Variants in NPAS3 observed in about 807,000 individuals in gnomAD.
NPAS3 encodes the protein neuronal PAS domain-containing protein 3.
A neutral mutation model predicts 73.1 loss-of-function variants in NPAS3; 14 were observed. The observed-to-expected ratio is 0.19, with a 90% CI of 0.13 to 0.30. The LOEUF (loss-of-function observed/expected upper bound fraction) is 0.30. NPAS3 is among the 10% of genes least tolerant of loss of function. The pLI is 1.00. For synonymous variants in NPAS3, 620 were observed against 541.5 expected, an observed-to-expected ratio of 1.14 and a Z score of -2.01; for missense variants, 1,096 against 1,250.0, an observed-to-expected ratio of 0.88 and a Z score of 1.86.
At chr14:33,751,640 A>T (rs2061965729) in intron 7 of NPAS3, among the ~76,000 whole-genome samples, 1 of 152,212 alleles carries the variant, frequency 6.6e-6, no homozygotes, top group Non-Finnish European at 1.5e-5. Flanking sequence ...AGGCGCCCAC[A>T]GTTTCCCTTG....
intron 2 of NPAS3, among the ~76,000 whole-genome samples, chr14:33,113,518 G>A (rs2042964686): frequency 6.6e-6 from 1 of 152,132 alleles, no homozygotes; most frequent in South Asian, 2.1e-4. Flanking sequence ...CATTGATTTT[G>A]TATCCTGAGA....
At chr14:33,442,615 A>G (rs1047503635) in intron 4 of NPAS3, among the ~76,000 whole-genome samples, 7 of 152,182 alleles carry the variant, frequency 4.6e-5, no homozygotes, top group Non-Finnish European at 8.8e-5. Flanking sequence ...TTCGCCCTTC[A>G]CTTGGCTCTG....
chr14:33,535,167 A>G (rs1270657153), intron 4 of NPAS3, among the ~76,000 whole-genome samples: 2 of 152,212 alleles, frequency 1.3e-5, no homozygotes, highest in Non-Finnish European at 2.9e-5. Flanking sequence ...AAAAGTATAT[A>G]TACTGTCATA....
upstream of NPAS3, among the ~76,000 whole-genome samples, chr14:32,937,743 C>T (rs1277612888): frequency 6.6e-6 from 1 of 152,188 alleles, no homozygotes; most frequent in African/African-American, 2.4e-5. Context: ...AATGCAGAAC[C>T]TCACACAGGA....
intron 5 of NPAS3, among the ~76,000 whole-genome samples, chr14:33,634,641 T>C (rs887792447): frequency 3.9e-5 from 6 of 152,048 alleles, no homozygotes; most frequent in Admixed American, 6.6e-5. Context: ...AGGTGGGAGG[T>C]ACTTTTCTCC....
chr14:33,776,912 C>T (rs1422743184), intron 8 of NPAS3, among the ~76,000 whole-genome samples: 1 of 152,112 alleles, frequency 6.6e-6, no homozygotes, highest in Non-Finnish European at 1.5e-5. Context: ...GGCTCTGGTA[C>T]AGAGAAGGGC....
chr14:33,663,067 T>C (rs1235451066), intron 5 of NPAS3, among the ~76,000 whole-genome samples: 2 of 151,694 alleles, frequency 1.3e-5, no homozygotes, highest in African/African-American at 4.8e-5. Flanking sequence ...ATACCCTTTA[T>C]TTTTTTTCTC....
At position 33,489,570 on chromosome 14, in the gene NPAS3, CTTGTA is replaced by C. The variant is rs566941439; in HGVS notation, c.469-70545_469-70541del. Among the ~76,000 whole-genome samples the C allele has an allele frequency of 2.8e-3, 420 of 152,222 alleles. 1 individual carries two copies. Among genetic ancestry groups the C allele is most frequent in the African/African-American group, 9.7e-3 (401 of 41,552 alleles). ...TGCCTCCACTTTAAAAGAATGTAAACTTGTATTGTAATATTTAGCAAATATAATTG... is the reference window on the plus strand; with the variant it reads ...TGCCTCCACTTTAAAAGAATGTAAACTTGTAATATTTAGCAAATATAATTG... On this transcript the variant is annotated intron_variant, in intron 4 of 11. Coordinates refer to ENST00000356141, the Ensembl canonical transcript of NPAS3.
intron 2 of NPAS3, among the ~76,000 whole-genome samples, chr14:33,082,716 G>A (rs1395759481): frequency 6.6e-6 from 1 of 152,226 alleles, no homozygotes; most frequent in Non-Finnish European, 1.5e-5. Flanking sequence ...TAGAATCTCA[G>A]CTCTGCCACT....
chr14:33,563,748 G>T (rs763893704), intron 5 of NPAS3, among the ~76,000 whole-genome samples: 15 of 152,206 alleles, frequency 9.9e-5, no homozygotes, highest in Non-Finnish European at 2.2e-4. Context: ...TGAATAACTT[G>T]TTATACCTGA....
chr14:33,280,146 G>A (rs886081518), intron 3 of NPAS3, among the ~76,000 whole-genome samples: 5 of 152,014 alleles, frequency 3.3e-5, no homozygotes, highest in African/African-American at 7.2e-5. Flanking sequence ...CCTTGGTAGT[G>A]GGTACCTGTC....
At chr14:33,033,062 G>A (rs2040048073) in intron 1 of NPAS3, among the ~76,000 whole-genome samples, 1 of 152,172 alleles carries the variant, frequency 6.6e-6, no homozygotes, top group South Asian at 2.1e-4. Flanking sequence ...ACTCTAAGAG[G>A]TGATTTGGCC....
At chr14:33,057,230 T>C (rs79436186) in intron 2 of NPAS3, among the ~76,000 whole-genome samples, 3,521 of 152,354 alleles carry the variant, frequency 0.023, 63 homozygotes, top group Middle Eastern at 0.048. Context: ...CTTTATTTAT[T>C]GATATTTCAC....
At chr14:33,676,521 C>G (rs2059771779) in intron 6 of NPAS3, 136 bp downstream of exon 6, 1 of 567,222 alleles carries the variant, frequency 1.8e-6, no homozygotes, top group Non-Finnish European at 2.8e-6. Context: ...CAGTCCCATG[C>G]AGTAATTAAA....
intron 7 of NPAS3, among the ~76,000 whole-genome samples, chr14:33,772,629 G>A (rs925461013): frequency 6.6e-6 from 1 of 152,188 alleles, no homozygotes; most frequent in Admixed American, 6.5e-5. Context: ...AATGATAAAT[G>A]AGCATCTATG....
chr14:33,712,831 A>G (rs1486414080), intron 6 of NPAS3, among the ~76,000 whole-genome samples: 1 of 152,222 alleles, frequency 6.6e-6, no homozygotes, highest in Non-Finnish European at 1.5e-5. Context: ...GGTATAGCAC[A>G]TGGGACGGGA....
chr14:33,077,743 G>C lies in NPAS3; in HGVS notation c.140+21749G>C, dbSNP rs528597682. Among the ~76,000 whole-genome samples, 3 of 124,800 alleles carry C rather than the reference G, an allele frequency of 2.4e-5. No homozygotes were observed. In the South Asian group the frequency reaches 8.2e-4, roughly 34 times the overall value. The allele number at this position is 124,800 out of a possible 152,430, so 81.9% of individuals were successfully genotyped here. A position where few individuals can be genotyped will look rare whatever the true frequency, so the allele number is the denominator to read the frequency against. On this transcript the variant is annotated intron_variant, in intron 2 of 11. Transcript: ENST00000356141. ...TTAAATAGTGTTTTAAAGTGAGTCAGTGTTGCTTTGCTCAAAACATTGCAG... is the reference window on the plus strand; with the variant it reads ...TTAAATAGTGTTTTAAAGTGAGTCACTGTTGCTTTGCTCAAAACATTGCAG...
At chr14:33,173,615 G>A (rs1276525423) in intron 2 of NPAS3, among the ~76,000 whole-genome samples, 1 of 152,116 alleles carries the variant, frequency 6.6e-6, no homozygotes, top group Non-Finnish European at 1.5e-5. Flanking sequence ...AGCACCCAAT[G>A]GTATCATACT....
intron 4 of NPAS3, among the ~76,000 whole-genome samples, chr14:33,387,624 G>C (rs2046825793): frequency 6.6e-6 from 1 of 152,062 alleles, no homozygotes; most frequent in South Asian, 2.1e-4. Flanking sequence ...CCACAGAGAG[G>C]GCAGGAGAAG....
Sources: allele counts gnomAD v4.1 joint callset (sites outside exome capture counted in the v4.1 genomes callset), GRCh38; gene constraint gnomAD v4.1.1; transcripts MANE v1.5; gene names NCBI Gene and HGNC (gene_info 2026-07-23, HGNC 2026-07-21).